Variants in RNASEH1 observed in about 807,000 individuals in gnomAD.
RNASEH1 encodes the protein ribonuclease H type II.
In RNASEH1, 27 loss-of-function variants were observed where a neutral mutation model predicts 34.6. The ratio of observed to expected loss-of-function variants is 0.78; its 90% CI spans 0.58 to 1.08. RNASEH1 has a LOEUF of 1.08. Among genes scored for constraint, RNASEH1 ranks in the 50% least tolerant of loss-of-function variants. The probability of loss-of-function intolerance (pLI) is 0.00; values close to 1 mark genes in which losing one functional copy is unlikely to be tolerated. For missense variants in RNASEH1, 349 were observed against 373.6 expected (o/e 0.93, Z 0.54); for synonymous variants, 162 against 138.4 (o/e 1.17, Z -1.20).
At chr2:3,552,398 T>A in intron 2 of RNASEH1, 90 bp from the exon 3 acceptor site, 2 of 1,283,810 alleles carry the variant, frequency 1.6e-6, no homozygotes, top group Non-Finnish European at 2.2e-6. Context: ...TTATTTAGTA[T>A]CATTAAATCA....
the RNASEH1 span, chr2:3,534,251 G>A: frequency 6.6e-5 from 10 of 152,398 alleles, no homozygotes; most frequent in African/African-American, 2.4e-4. Context: ...ACAAGAACTT[G>A]GGACCTGCAG....
chr2:3,546,993 T>C (rs1668817807), intron 7 of RNASEH1, among the ~76,000 whole-genome samples: 1 of 152,116 alleles, frequency 6.6e-6, no homozygotes. Flanking sequence ...CGTGGTGGCA[T>C]ATGCCTGTAA....
At chr2:3,555,437 T>C (rs543041303) in intron 2 of RNASEH1, among the ~76,000 whole-genome samples, 1 of 152,282 alleles carries the variant, frequency 6.6e-6, no homozygotes, top group African/African-American at 2.4e-5. Context: ...TTAAAAGCTA[T>C]TGAAGAGAGA....
At position 3,542,353 on chromosome 2, in the gene RNASEH1, G is replaced by T. The variant is rs947709425; in HGVS notation, c.*3432C>A. 3.3e-5 allele frequency among the ~76,000 whole-genome samples: 5 copies of T among 152,196 alleles called. No individual in the cohort carries two copies. The highest frequency in any genetic ancestry group is 5.9e-5 in the Non-Finnish European group (4 of 68,034). On this transcript the variant is annotated 3_prime_UTR_variant, in exon 8 of 8. Coordinates refer to ENST00000315212, the MANE Select transcript of RNASEH1 (RefSeq NM_002936.6). ...TCCTTTGGGCATCTAAGGAAAAACA[G>T]CATATGACTGTCAGGGGAAGAAAAC... is the stretch of plus-strand genomic sequence containing the variant.
At position 3,542,841 on chromosome 2, in the gene RNASEH1, G is replaced by C. The variant is rs2103287258; in HGVS notation, c.*2944C>G. 6.6e-6 allele frequency among the ~76,000 whole-genome samples: 1 copy of C among 152,226 alleles called. No individual in the cohort carries two copies. Among genetic ancestry groups the C allele is most frequent in the East Asian group, 1.9e-4 (1 of 5,184 alleles). On this transcript the variant is annotated 3_prime_UTR_variant, in exon 8 of 8. Transcript: ENST00000315212. ...AATTTGTATTGGGAATATCAATATA[G>C]GCTCAGAAAATATTCTTCCTTTAAA... is the stretch of plus-strand genomic sequence containing the variant.
At chr2:3,534,061 C>A in the RNASEH1 span, 1 of 152,302 alleles carries the variant, frequency 6.6e-6, no homozygotes, top group Admixed American at 6.5e-5. Context: ...CATAAAAACC[C>A]TGGACTCAGC....
At position 3,558,247 on chromosome 2, in the gene RNASEH1, A is replaced by G. The variant is rs1660747924; in HGVS notation, c.14T>C (p.Leu5Pro). The change falls in exon 1 of 8, where the codon CTG (leucine) becomes CCG (proline). Residue 5 changes from leucine to proline, a missense_variant. Transcript: ENST00000315212. MSWL[L>P]FLAHRVALAA... ...CAAGGCGACTCTGTGGGCCAGGAACAGAAGCCAGCTCATCGCTCACTCCCG... is the reference window on the plus strand; with the variant it reads ...CAAGGCGACTCTGTGGGCCAGGAACGGAAGCCAGCTCATCGCTCACTCCCG... 4.4e-6 allele frequency: 7 copies of G among 1,591,128 alleles called. No individual in the cohort carries two copies. Among genetic ancestry groups the G allele is most frequent in the Non-Finnish European group, 6.0e-6 (7 of 1,172,088 alleles).
chr2:3,556,496 A>C (rs1449659324), intron 2 of RNASEH1, among the ~76,000 whole-genome samples: 1 of 151,808 alleles, frequency 6.6e-6, no homozygotes, highest in Non-Finnish European at 1.5e-5. Context: ...GTAGAGATGG[A>C]GTTTCATCAT....
chr2:3,556,343 T>C (rs973502661), intron 2 of RNASEH1, among the ~76,000 whole-genome samples: 2 of 149,840 alleles, frequency 1.3e-5, no homozygotes, highest in African/African-American at 2.5e-5. Context: ...TCTTGCCCTG[T>C]CACCCAGGCT....
At chr2:3,557,050 C>G in intron 1 of RNASEH1, 146 bp from the exon 2 acceptor site, 1 of 626,360 alleles carries the variant, frequency 1.6e-6, no homozygotes, top group South Asian at 1.9e-5. Context: ...TCACAGATAC[C>G]AACATCAGAG....
chr2:3,556,889 T>C lies in RNASEH1; in HGVS notation c.144A>G (p.Ala48=), dbSNP rs76089149. ...GVFLTWNECR[A]QVDRFPAARF... is the part of the protein sequence containing the mutation. ...TGGCAGCAGGAAACCGGTCCACCTG[T>C]GCTCTGCACTCATTCCTGGAAAAGA... Residue 48 remains alanine (A), a synonymous_variant, in exon 2 of 8, where the codon GCA becomes GCG. Transcript: ENST00000315212. The C allele has an allele frequency of 6.8e-6, 11 of 1,612,708 alleles. No homozygotes were observed. In the Admixed American group the frequency reaches 1.5e-4, roughly 22 times the overall value.
intron 2 of RNASEH1, among the ~76,000 whole-genome samples, chr2:3,553,887 G>A (rs1660235380): frequency 6.6e-6 from 1 of 152,172 alleles, no homozygotes; most frequent in Admixed American, 6.5e-5. Flanking sequence ...TGTAAAACGA[G>A]GCCCTGGGCT....
rs1660017308 is a variant in RNASEH1, at chr2:3,552,302, T to G, written c.251A>C (p.Glu84Ala). The G allele has an allele frequency of 6.2e-7, 1 of 1,613,362 alleles. No individual in the cohort carries two copies. The highest frequency in any genetic ancestry group is 8.5e-7 in the Non-Finnish European group (1 of 1,179,890). ...SASPEVSEGH[E>A]NQHGQESEAK... Reference sequence around the variant, plus strand: ...CTCCGATTCTTGTCCATGTTGATTTTCATGCCCTGAAAGACAAGAGTCCAC... The same window carrying G: ...CTCCGATTCTTGTCCATGTTGATTTGCATGCCCTGAAAGACAAGAGTCCAC... The change falls in exon 3 of 8, where the codon GAA (glutamate) becomes GCA (alanine). Residue 84 changes from glutamate to alanine, a missense_variant. This residue lies in a region of RNASEH1 where 256 missense variants were observed against 240.7 expected (regional missense o/e 1.06). Coordinates refer to ENST00000315212, the MANE Select transcript of RNASEH1 (RefSeq NM_002936.6).
chr2:3,551,162 G>C (rs1659853153), intron 3 of RNASEH1, among the ~76,000 whole-genome samples: 1 of 152,262 alleles, frequency 6.6e-6, no homozygotes, highest in African/African-American at 2.4e-5. Flanking sequence ...GGAAGTACTT[G>C]TCCGAAGGAC....
intron 2 of RNASEH1, among the ~76,000 whole-genome samples, chr2:3,554,697 T>A (rs147250843): frequency 3.3e-5 from 5 of 152,122 alleles, no homozygotes; most frequent in Admixed American, 3.3e-4. Context: ...AACATACTTA[T>A]ATTGGAAGAC....
At chr2:3,553,332 G>C (rs1469226269) in intron 2 of RNASEH1, among the ~76,000 whole-genome samples, 2 of 151,898 alleles carry the variant, frequency 1.3e-5, no homozygotes, top group African/African-American at 4.8e-5. Context: ...CTTTTCTTTT[G>C]CAACAAAGTT....
chr2:3,538,002 A>G (rs1254531332), downstream of RNASEH1, among the ~76,000 whole-genome samples: 5 of 150,540 alleles, frequency 3.3e-5, no homozygotes, highest in Non-Finnish European at 7.4e-5. Context: ...GCACCATTGC[A>G]CTCCAGCCTG....
intron 4 of RNASEH1, among the ~76,000 whole-genome samples, chr2:3,549,556 A>T (rs1477479491): frequency 2.0e-5 from 3 of 152,158 alleles, no homozygotes; most frequent in Admixed American, 6.5e-5. Flanking sequence ...TAAAAGAATG[A>T]GCAATTTTTG....
chr2:3,534,193 C>T, the RNASEH1 span: 1 of 152,236 alleles, frequency 6.6e-6, no homozygotes, highest in African/African-American at 2.4e-5. Flanking sequence ...TTTTTCTGCC[C>T]TGCTCACTCT....
Sources: gnomAD v4.1 joint callset for allele counts (sites outside exome capture counted in the v4.1 genomes callset) on GRCh38, gnomAD v4.1.1 for gene constraint, gnomAD v4.1.1 regional missense constraint, MANE v1.5 for transcripts, NCBI Gene and HGNC (gene_info 2026-07-23, HGNC 2026-07-21) for gene names.